Variants in WT1 observed in about 807,000 individuals in gnomAD.
The protein encoded by WT1 is WT1 transcription factor, also known as Wilms tumor protein.
Under a neutral mutation model 60.8 loss-of-function variants are expected in WT1, and 8 were observed. The observed-to-expected ratio is 0.13, with a 90% CI of 0.08 to 0.24. WT1 has a LOEUF of 0.24. Among genes scored for constraint, WT1 ranks in the 10% least tolerant of loss-of-function variants. The pLI is 1.00. For synonymous variants in WT1, 312 were observed against 297.1 expected (o/e 1.05, Z -0.52); for missense variants, 568 against 711.8 (o/e 0.80, Z 2.30).
chr11:32,421,454 C>T (rs1590381840), intron 3 of WT1, among the ~76,000 whole-genome samples: 2 of 152,276 alleles, frequency 1.3e-5, no homozygotes, highest in Non-Finnish European at 2.9e-5. Context: ...AAAATGTATT[C>T]CAAAAGTCAT....
At chr11:32,392,122 A>G (rs2132915998) in intron 8 of WT1, 58 bp from the exon 9 acceptor site, 1 of 1,500,196 alleles carries the variant, frequency 6.7e-7, no homozygotes, top group Non-Finnish European at 9.3e-7. Flanking sequence ...AGTGAGGCCC[A>G]CAAGGCTGAC....
intron 5 of WT1, among the ~76,000 whole-genome samples, chr11:32,413,110 C>T (rs1049373016): frequency 1.3e-5 from 2 of 152,136 alleles, no homozygotes; most frequent in African/African-American, 2.4e-5. Context: ...AAAGAAGACC[C>T]GAACCAGCAT....
chr11:32,425,039 A>T (rs1050020712), intron 3 of WT1, among the ~76,000 whole-genome samples: 9 of 152,146 alleles, frequency 5.9e-5, no homozygotes, highest in African/African-American at 2.2e-4. Context: ...TTAGCTGGGC[A>T]TGGTGGCCAG....
rs953087575 is a variant in WT1, at chr11:32,434,922, G to C, written c.439C>G (p.Gln147Glu). The C allele has an allele frequency of 6.2e-6, 10 of 1,606,290 alleles. No homozygotes were observed. In the Middle Eastern group the frequency reaches 1.4e-3, roughly 228 times the overall value. ...TCCGCGCCGCCCCAGCTCGGCTCCT[G>C]TTTGATGAAGGAGTGAGGCGGCGGC... Residue 147 changes from glutamine (Q) to glutamate (E), a missense_variant, in exon 1 of 10, where the codon CAG becomes GAG. This residue lies in a region of WT1 where 523 missense variants were observed against 565.1 expected (regional missense o/e 0.93). Coordinates refer to ENST00000452863, the MANE Select transcript of WT1 (RefSeq NM_024426.6).
chr11:32,428,828 T>A (rs1420091817), intron 1 of WT1: 2 of 705,216 alleles, frequency 2.8e-6, no homozygotes, highest in Non-Finnish European at 4.8e-6. Context: ...GGCTTCTCCA[T>A]CCTTTTCTGA....
rs572532579 is a variant in WT1, at chr11:32,419,311, C to T, written c.888-1657G>A. ...CAATCTCTCTACTGGTTTTTGTTCT[C>T]CTGCGCCTTTTCATCAAGCAATCCA... On this transcript the variant is annotated intron_variant, in intron 3 of 9. Transcript: ENST00000452863. Among the ~76,000 whole-genome samples the T allele has an allele frequency of 7.2e-5, 11 of 152,282 alleles. No homozygotes were observed. In the South Asian group the frequency reaches 2.1e-3, roughly 29 times the overall value.
intron 4 of WT1, 121 bp downstream of exon 4, chr11:32,417,456 C>T (rs1852711038): frequency 2.2e-6 from 2 of 906,650 alleles, no homozygotes; most frequent in Non-Finnish European, 3.5e-6. Flanking sequence ...GTTCTAATGT[C>T]ACAGAGAGCT....
intron 6 of WT1, among the ~76,000 whole-genome samples, chr11:32,398,730 G>T (rs764475274): frequency 6.6e-6 from 1 of 151,890 alleles, no homozygotes; most frequent in African/African-American, 2.4e-5. Flanking sequence ...CACCTCATAA[G>T]TGTGTATTGC....
In WT1 at chr11:32,388,903, G is replaced by A; in HGVS notation, c.*155C>T. The A allele has an allele frequency of 7.3e-7, 1 of 1,369,786 alleles. No homozygotes were observed. Among genetic ancestry groups the A allele is most frequent in the East Asian group, 2.5e-5 (1 of 40,406 alleles). The allele number at this position is 1,369,786 out of a possible 1,614,324, so 84.9% of individuals were successfully genotyped here. On this transcript the variant is annotated 3_prime_UTR_variant, in exon 10 of 10. Coordinates refer to ENST00000452863, the MANE Select transcript of WT1 (RefSeq NM_024426.6). ...AGACCAACTCTTCCAGGCACACCTG[G>A]TAGTTTCCAGAAGCACCGGTATCTT... is the stretch of plus-strand genomic sequence containing the variant.
At chr11:32,413,705 G>A (rs1459263835) in intron 5 of WT1, among the ~76,000 whole-genome samples, 1 of 152,230 alleles carries the variant, frequency 6.6e-6, no homozygotes, top group Non-Finnish European at 1.5e-5. Flanking sequence ...TGTCATAAGA[G>A]TATTGCTCAG....
intron 3 of WT1, among the ~76,000 whole-genome samples, chr11:32,421,766 T>C (rs1332259813): frequency 6.6e-6 from 1 of 152,206 alleles, no homozygotes; most frequent in Admixed American, 6.5e-5. Flanking sequence ...ACTCCTCCAC[T>C]CTTCAAACGC....
intron 6 of WT1, among the ~76,000 whole-genome samples, chr11:32,398,063 G>T (rs1298852253): frequency 2.6e-5 from 4 of 152,216 alleles, no homozygotes; most frequent in African/African-American, 9.7e-5. Context: ...GATTCTGATT[G>T]TATTCGTCAG....
intron 5 of WT1, among the ~76,000 whole-genome samples, chr11:32,404,273 A>T (rs1455621194): frequency 6.6e-6 from 1 of 151,386 alleles, no homozygotes; most frequent in East Asian, 1.9e-4. Context: ...TGTCTCAAAA[A>T]AAAAAAAAAA....
At chr11:32,419,617 T>C (rs1343172135) in intron 3 of WT1, among the ~76,000 whole-genome samples, 1 of 152,230 alleles carries the variant, frequency 6.6e-6, no homozygotes, top group Non-Finnish European at 1.5e-5. Flanking sequence ...CTTTATGAGT[T>C]GGAAATTTTC....
chr11:32,400,957 G>T (rs913673266), intron 5 of WT1, among the ~76,000 whole-genome samples: 7 of 152,280 alleles, frequency 4.6e-5, no homozygotes, highest in Middle Eastern at 3.4e-3. Flanking sequence ...TTCCTCAAAA[G>T]GTTAGACATA....
rs748864758 is a variant in WT1, at chr11:32,396,310, T to C, written c.1211A>G (p.Asn404Ser). Residue 404 changes from asparagine to serine, a missense_variant, in exon 7 of 10, where the codon AAT becomes AGT. Asn to Ser is a conservative substitution (Grantham distance 46). This residue lies in a region of WT1 where 523 missense variants were observed against 565.1 expected (regional missense o/e 0.93). Transcript: ENST00000452863. ...GTGGGACAGCTTAAAATATCTCTTA[T>C]TGCAGCCTGGGTAAGCACACATGAA... 2 of 1,614,168 alleles carry C rather than the reference T, an allele frequency of 1.2e-6. No individual in the cohort carries two copies. The highest frequency in any genetic ancestry group is 1.7e-5 in the Admixed American group (1 of 60,016).
chr11:32,402,093 C>A (rs1397977926), intron 5 of WT1, among the ~76,000 whole-genome samples: 1 of 152,066 alleles, frequency 6.6e-6, no homozygotes. Context: ...AATGTCCACA[C>A]CCCCTAGGGC....
chr11:32,394,725 T>C (rs1343837824), intron 7 of WT1, among the ~76,000 whole-genome samples: 1 of 152,244 alleles, frequency 6.6e-6, no homozygotes, highest in Non-Finnish European at 1.5e-5. Flanking sequence ...AGGGGGACTG[T>C]AGGATTGTTA....
chr11:32,430,599 C>T lies in WT1; in HGVS notation c.662-1980G>A, dbSNP rs554252347. On this transcript the variant is annotated intron_variant, in intron 1 of 9. Coordinates refer to ENST00000452863, the MANE Select transcript of WT1 (RefSeq NM_024426.6). Reference sequence around the variant, plus strand: ...CTGCACAATCCTCAGAGCCCTGCTCCGCAACTGTCCGTGCCCGGCGAGGGC... The same window carrying T: ...CTGCACAATCCTCAGAGCCCTGCTCTGCAACTGTCCGTGCCCGGCGAGGGC... 5.2e-5 allele frequency: 82 copies of T among 1,588,188 alleles called. No homozygotes were observed. The African/African-American group carries it at 9.6e-4, about 19-fold the overall frequency.
Sources: allele counts gnomAD v4.1 joint callset (sites outside exome capture counted in the v4.1 genomes callset), GRCh38; gene constraint gnomAD v4.1.1; regional missense constraint gnomAD v4.1.1; transcripts MANE v1.5; gene names NCBI Gene and HGNC (gene_info 2026-07-23, HGNC 2026-07-21).